PLPP2: variants seen among roughly 807,000 people sequenced by gnomAD.
PLPP2 encodes the protein PAP2-gamma.
In PLPP2, 29 loss-of-function variants were observed where a neutral mutation model predicts 35.2. The observed-to-expected ratio is 0.82, with a 90% CI of 0.61 to 1.12. PLPP2 has a LOEUF of 1.12. Among genes scored for constraint, PLPP2 ranks in the 50% most tolerant of loss-of-function variants. The pLI is 0.00. For synonymous variants in PLPP2, 162 were observed against 167.0 expected (o/e 0.97, Z 0.23); for missense variants, 353 against 375.2 (o/e 0.94, Z 0.49).
chr19:281,556 G>A lies in PLPP2; in HGVS notation c.718-19C>T. The A allele has an allele frequency of 6.9e-7, 1 of 1,458,858 alleles. No homozygotes were observed. The highest frequency in any genetic ancestry group is 1.5e-5 in the South Asian group (1 of 64,552). 90.4% of individuals were successfully genotyped at this position (1,458,858 alleles called of 1,614,324 possible). ...AGCAGACCTGGTAGAGCAGAGGGTG[G>A]TGAGAATGGGCAGGGGGCTGTCCAG... On this transcript the variant is annotated intron_variant, in intron 5 of 5. Transcript: ENST00000434325.
Position 287,927 on chromosome 19 carries a change from G to A in PLPP2, c.204+93C>T. 1 of 1,543,912 alleles carries A rather than the reference G, an allele frequency of 6.5e-7. No homozygotes were observed. Among genetic ancestry groups the A allele is most frequent in the Non-Finnish European group, 8.8e-7 (1 of 1,137,150 alleles). On this transcript the variant is annotated intron_variant, in intron 2 of 5. Transcript: ENST00000434325. This position sits in a 1 kb window ranked among gnomAD's most constrained non-coding sequence, Gnocchi z 4.3. ...CCCCGGCCCCACACAGACCTCCAGG[G>A]CAGGGCTGTGCCACCCCCCCATCAG... is the stretch of plus-strand genomic sequence containing the variant.
At chr19:290,800 A>C in intron 1 of PLPP2, 1 of 612,320 alleles carries the variant, frequency 1.6e-6, no homozygotes, top group Non-Finnish European at 2.3e-6. Flanking sequence ...CCGCACGTGC[A>C]CGGGTTCGAA....
rs1462672314 is a variant in PLPP2 at position 287,519 on chromosome 19, A to G, written c.437T>C (p.Leu146Pro). Reference sequence around the variant, plus strand: ...AGGGTTTCCCCTGCACACCTTCTCCAGCTGCACATAGACCGAGCAGTTGAC... The same window carrying G: ...AGGGTTTCCCCTGCACACCTTCTCCGGCTGCACATAGACCGAGCAGTTGAC... ...SRVNCSVYVQ[L>P]EKVCRGNPAD... Residue 146 changes from leucine (L) to proline (P), a missense_variant, in exon 3 of 6, where the codon CTG becomes CCG. By Grantham distance (98) the Leu-to-Pro change is moderately conservative. Coordinates refer to ENST00000434325, the MANE Select transcript of PLPP2 (RefSeq NM_003712.4). The surrounding 1 kb of genome is among the most constrained non-coding windows in gnomAD (Gnocchi z 4.3). 1 of 1,613,552 alleles carries G rather than the reference A, an allele frequency of 6.2e-7. No homozygotes were observed. Among genetic ancestry groups the G allele is most frequent in the Non-Finnish European group, 8.5e-7 (1 of 1,179,916 alleles).
intron 1 of PLPP2, among the ~76,000 whole-genome samples, chr19:289,032 T>C (rs1311525237): frequency 1.3e-5 from 2 of 152,196 alleles, no homozygotes; most frequent in Non-Finnish European, 2.9e-5. Flanking sequence ...GACCCAGCCC[T>C]GGCCTCAGGG....
At chr19:283,824 T>C (rs1970224448) in intron 3 of PLPP2, 2 of 151,642 alleles carry the variant, frequency 1.3e-5, no homozygotes, top group African/African-American at 4.9e-5. Context: ...TCTGGGAGGG[T>C]TTTATGGGTT....
chr19:287,072 G>GAA lies in PLPP2; in HGVS notation c.482+400_482+401dup. On this transcript the variant is annotated intron_variant, in intron 3 of 5. Coordinates refer to ENST00000434325, the MANE Select transcript of PLPP2 (RefSeq NM_003712.4). This position sits in a 1 kb window ranked among gnomAD's most constrained non-coding sequence, Gnocchi z 4.3. ...TAAACAGGTTGAAAGTCCAAGAATGGAAAAAAAAAATATTCCATGCAAACA... is the reference window on the plus strand; with the variant it reads ...TAAACAGGTTGAAAGTCCAAGAATGGAAAAAAAAAAAATATTCCATGCAAACA... 1 of 172,886 alleles carries GAA rather than the reference G, an allele frequency of 5.8e-6. No homozygotes were observed. The highest frequency in any genetic ancestry group is 1.3e-4 in the South Asian group (1 of 7,606). 10.7% of individuals were successfully genotyped at this position (172,886 alleles called of 1,614,324 possible).
At chr19:281,928 G>T in intron 5 of PLPP2, 4 of 611,958 alleles carry the variant, frequency 6.5e-6, no homozygotes, top group Non-Finnish European at 1.1e-5. Flanking sequence ...GACTGGGACT[G>T]GGGAGAAGGG....
intron 3 of PLPP2, chr19:283,946 A>G (rs1970226934): frequency 6.6e-6 from 1 of 152,216 alleles, no homozygotes; most frequent in Admixed American, 6.5e-5. Context: ...ACAACCAGAA[A>G]AGTCATTAAA....
intron 1 of PLPP2, 189 bp downstream of exon 1, chr19:291,096 G>A (rs1412751542): frequency 1.5e-6 from 2 of 1,336,710 alleles, no homozygotes; most frequent in South Asian, 1.9e-5. Context: ...GGGGACCCCC[G>A]AGCCTGGGAG....
In PLPP2 at chr19:282,284, C is replaced by G; in HGVS notation, c.567G>C (p.Trp189Cys). 1.2e-6 allele frequency: 2 copies of G among 1,613,776 alleles called. No individual in the cohort carries two copies. Among genetic ancestry groups the G allele is most frequent in the South Asian group, 2.2e-5 (2 of 91,086 alleles). ...TGGGTCGCAGCAGCCGTGCCCACTT[C>G]CAACAGAGTCGTGCCTGCACATACA... ...LALYVQARLC[W>C]KWARLLRPTV... is the part of the protein sequence containing the mutation. Residue 189 changes from tryptophan (W) to cysteine (C), a missense_variant, in exon 5 of 6, where the codon TGG (tryptophan) becomes TGC (cysteine). Trp to Cys is a radical substitution (Grantham distance 215). Transcript: ENST00000434325.
chr19:281,996 A>C, intron 5 of PLPP2, 138 bp downstream of exon 5: 2 of 942,036 alleles, frequency 2.1e-6, no homozygotes, highest in Non-Finnish European at 3.2e-6. Flanking sequence ...GGTTGGGGGA[A>C]GGGGTCCCAG....
At position 287,346 on chromosome 19, in the gene PLPP2, A is replaced by C; in HGVS notation, c.482+128T>G. On this transcript the variant is annotated intron_variant, in intron 3 of 5. Coordinates refer to ENST00000434325, the MANE Select transcript of PLPP2 (RefSeq NM_003712.4). The surrounding 1 kb of genome is among the most constrained non-coding windows in gnomAD (Gnocchi z 4.3). ...CATACAAGAATGCACTAACTTATAC[A>C]AAAATTAGCCGGGCGTGGTGGCGCA... 1 of 1,219,742 alleles carries C rather than the reference A, an allele frequency of 8.2e-7. No homozygotes were observed. Among genetic ancestry groups the C allele is most frequent in the Non-Finnish European group, 1.1e-6 (1 of 878,930 alleles). 75.6% of individuals were successfully genotyped at this position (1,219,742 alleles called of 1,614,324 possible).
chr19:288,771 T>G (rs10410591), intron 1 of PLPP2, among the ~76,000 whole-genome samples: 14,448 of 152,214 alleles, frequency 0.095, 910 homozygotes, highest in Admixed American at 0.17. Flanking sequence ...TGTGGGACAC[T>G]GGAATTGATT....
intron 3 of PLPP2, chr19:286,955 G>A (rs904561707): frequency 6.5e-6 from 1 of 154,768 alleles, no homozygotes; most frequent in African/African-American, 2.4e-5. Flanking sequence ...GTGAGCCTCT[G>A]TCTCAAAAAA....
chr19:289,076 G>A (rs932513802), intron 1 of PLPP2, among the ~76,000 whole-genome samples: 1 of 152,164 alleles, frequency 6.6e-6, no homozygotes, highest in South Asian at 2.1e-4. Context: ...CTTATGGAAG[G>A]TGCTGCCATG....
In PLPP2 at chr19:288,775, A is replaced by C. The variant is rs1437771222; in HGVS notation, c.53-604T>G. ...TGGCAGTCACGTGTGGGACACTGGAATTGATTTCCCCCCATCCACCCACCG... is the reference window on the plus strand; with the variant it reads ...TGGCAGTCACGTGTGGGACACTGGACTTGATTTCCCCCCATCCACCCACCG... On this transcript the variant is annotated intron_variant, in intron 1 of 5. Transcript: ENST00000434325. Among the ~76,000 whole-genome samples, 3 of 152,282 alleles carry C rather than the reference A, an allele frequency of 2.0e-5. No individual in the cohort carries two copies. The East Asian group carries it at 5.8e-4, about 29-fold the overall frequency.
chr19:281,611 G>A, intron 5 of PLPP2, 74 bp from the exon 6 acceptor site: 2 of 1,313,408 alleles, frequency 1.5e-6, no homozygotes, highest in Non-Finnish European at 2.0e-6. Flanking sequence ...GAGCAGGAGG[G>A]GGAGGAACAG....
Position 287,810 on chromosome 19 carries a change from C to A in PLPP2, c.205-59G>T. On this transcript the variant is annotated intron_variant, in intron 2 of 5. Coordinates refer to ENST00000434325, the MANE Select transcript of PLPP2 (RefSeq NM_003712.4). This position sits in a 1 kb window ranked among gnomAD's most constrained non-coding sequence, Gnocchi z 4.3. ...TCGGTCGGCCCAGGGGCCCTCACTC[C>A]TCCGCACGGGCCTCCCCAAGGCTGC... The A allele has an allele frequency of 6.3e-7, 1 of 1,593,192 alleles. No individual in the cohort carries two copies. Among genetic ancestry groups the A allele is most frequent in the Non-Finnish European group, 8.6e-7 (1 of 1,168,390 alleles).
chr19:290,462 T>C (rs1970364471), intron 1 of PLPP2, among the ~76,000 whole-genome samples: 1 of 152,004 alleles, frequency 6.6e-6, no homozygotes, highest in South Asian at 2.1e-4. Context: ...TAAAAAAGGG[T>C]CTCCTTCCGG....
Sources: gnomAD v4.1 joint callset for allele counts (sites outside exome capture counted in the v4.1 genomes callset) on GRCh38, gnomAD v4.1.1 for gene constraint, Gnocchi (gnomAD v3.1) non-coding constraint, MANE v1.5 for transcripts, NCBI Gene and HGNC (gene_info 2026-07-23, HGNC 2026-07-21) for gene names.